The following CDH4 variants were observed in gnomAD, a reference collection of about 807,000 sequenced individuals.
The protein encoded by CDH4 is cadherin-4.
CDH4 carries 33 observed loss-of-function variants against 86.0 expected under a neutral mutation model. The observed-to-expected ratio is 0.38, with a 90% CI of 0.29 to 0.51. The LOEUF is 0.51. CDH4 is among the 20% of genes least tolerant of loss of function. CDH4 has a pLI of 0.86. For missense variants in CDH4, 1,114 were observed against 1,307.4 expected, an observed-to-expected ratio of 0.85 and a Z score of 2.28; for synonymous variants, 555 against 549.4, an observed-to-expected ratio of 1.01 and a Z score of -0.14.
chr20:61,875,331 C>T (rs1482425313), intron 7 of CDH4, among the ~76,000 whole-genome samples: 1 of 152,106 alleles, frequency 6.6e-6, no homozygotes, highest in Non-Finnish European at 1.5e-5. Context: ...GCAGAGAGGC[C>T]AGTTGGGGGG....
At chr20:61,805,155 C>T (rs534282014) in intron 4 of CDH4, among the ~76,000 whole-genome samples, 1 of 152,308 alleles carries the variant, frequency 6.6e-6, no homozygotes, top group African/African-American at 2.4e-5. Context: ...AGCCGGAAGC[C>T]GGTACGGTGC....
intron 2 of CDH4, among the ~76,000 whole-genome samples, chr20:61,615,247 G>A (rs191260000): frequency 5.3e-5 from 8 of 151,912 alleles, no homozygotes; most frequent in East Asian, 3.9e-4. Flanking sequence ...TCAGCCTCCC[G>A]AGTATCTGGG....
At chr20:61,470,874 C>A (rs1448586149) in intron 2 of CDH4, among the ~76,000 whole-genome samples, 1 of 152,074 alleles carries the variant, frequency 6.6e-6, no homozygotes, top group Non-Finnish European at 1.5e-5. Flanking sequence ...CTTCGCATCC[C>A]TGGGATAAAT....
At chr20:61,690,408 T>G (rs1352635978) in intron 2 of CDH4, among the ~76,000 whole-genome samples, 1 of 152,154 alleles carries the variant, frequency 6.6e-6, no homozygotes. Context: ...CTGAGTCCAT[T>G]GCCTCAGCCC....
At chr20:61,384,835 CATA>C (rs1249225008) in intron 2 of CDH4, among the ~76,000 whole-genome samples, 3 of 152,122 alleles carry the variant, frequency 2.0e-5, no homozygotes, top group Admixed American at 2.0e-4. Context: ...TCTCTTTAAA[CATA>C]ATAAGCATAG....
chr20:61,253,751 C>T (rs932861147), intron 1 of CDH4, among the ~76,000 whole-genome samples: 5 of 152,140 alleles, frequency 3.3e-5, no homozygotes, highest in African/African-American at 9.6e-5. Context: ...GCGCCCTCCG[C>T]GGTGCCGGCG....
chr20:61,644,280 C>A (rs558238785), intron 2 of CDH4, among the ~76,000 whole-genome samples: 1 of 152,198 alleles, frequency 6.6e-6, no homozygotes, highest in South Asian at 2.1e-4. Flanking sequence ...AGGGAGGCCA[C>A]GTCACAGGCG....
chr20:61,577,582 A>G (rs565774169), intron 2 of CDH4, among the ~76,000 whole-genome samples: 24 of 152,166 alleles, frequency 1.6e-4, no homozygotes, highest in African/African-American at 5.5e-4. Context: ...GCTGAGCTGA[A>G]TCTCTGATTT....
chr20:61,637,126 T>C (rs1222987682), intron 2 of CDH4, among the ~76,000 whole-genome samples: 1 of 152,232 alleles, frequency 6.6e-6, no homozygotes, highest in African/African-American at 2.4e-5. Context: ...AGTTCTGCTT[T>C]TTAACTTTTT....
intron 2 of CDH4, among the ~76,000 whole-genome samples, chr20:61,325,750 A>T (rs2084533683): frequency 6.6e-6 from 1 of 152,146 alleles, no homozygotes. Context: ...AAAGAAAAAA[A>T]AGCAGCGCTG....
chr20:61,686,555 ATG>A (rs1252575251), intron 2 of CDH4, among the ~76,000 whole-genome samples: 2 of 138,010 alleles, frequency 1.4e-5, no homozygotes, highest in East Asian at 2.2e-4. Flanking sequence ...ATTCGCGTGT[ATG>A]TGCATGTGCA....
intron 4 of CDH4, among the ~76,000 whole-genome samples, chr20:61,813,347 A>G (rs1217754520): frequency 6.6e-6 from 1 of 152,128 alleles, no homozygotes; most frequent in African/African-American, 2.4e-5. Flanking sequence ...CTTAGCTACC[A>G]AGCACTGGGC....
intron 2 of CDH4, among the ~76,000 whole-genome samples, chr20:61,276,411 T>G (rs1182909305): frequency 6.6e-6 from 1 of 152,254 alleles, no homozygotes; most frequent in Non-Finnish European, 1.5e-5. Flanking sequence ...AGACTCAATG[T>G]AAGTAGCTTG....
chr20:61,570,585 T>C (rs149969073), intron 2 of CDH4: 76 of 690,096 alleles, frequency 1.1e-4, no homozygotes, highest in African/African-American at 9.8e-4. Context: ...CTTTACCCCA[T>C]TGCTCTGCCC....
chr20:61,878,018 C>T (rs965160454), intron 7 of CDH4, among the ~76,000 whole-genome samples: 4 of 152,112 alleles, frequency 2.6e-5, no homozygotes, highest in Non-Finnish European at 5.9e-5. Flanking sequence ...GGGAGGACTT[C>T]GTGGACACAG....
intron 2 of CDH4, among the ~76,000 whole-genome samples, chr20:61,613,530 T>C (rs1287987360): frequency 6.7e-6 from 1 of 150,084 alleles, no homozygotes; most frequent in Non-Finnish European, 1.5e-5. Context: ...ATTTATAAAC[T>C]GTCCATCTGT....
At chr20:61,671,670 G>A (rs2087389224) in intron 2 of CDH4, among the ~76,000 whole-genome samples, 1 of 151,704 alleles carries the variant, frequency 6.6e-6, no homozygotes, top group African/African-American at 2.4e-5. Flanking sequence ...GATAATGGAT[G>A]GATGGTGGAT....
intron 2 of CDH4, among the ~76,000 whole-genome samples, chr20:61,715,717 G>A (rs924831167): frequency 3.9e-5 from 6 of 152,180 alleles, no homozygotes; most frequent in African/African-American, 1.4e-4. Context: ...GGGGACCCCT[G>A]AGACTGAAAG....
At chr20:61,492,656 T>A (rs1450912310) in intron 2 of CDH4, among the ~76,000 whole-genome samples, 1 of 152,158 alleles carries the variant, frequency 6.6e-6, no homozygotes, top group Non-Finnish European at 1.5e-5. Context: ...AATGCCGTGG[T>A]GAAAATATCA....
Sources: gnomAD v4.1 joint callset for allele counts (sites outside exome capture counted in the v4.1 genomes callset) on GRCh38, gnomAD v4.1.1 for gene constraint, MANE v1.5 for transcripts, NCBI Gene and HGNC (gene_info 2026-07-23, HGNC 2026-07-21) for gene names.